The following RBPJ variants were observed in gnomAD, a reference collection of about 807,000 sequenced individuals.
RBPJ encodes recombining binding protein suppressor of hairless.
In RBPJ, 9 loss-of-function variants were observed where a neutral mutation model predicts 67.8. The ratio of observed to expected loss-of-function variants is 0.13; its 90% CI spans 0.08 to 0.23. The LOEUF is 0.23. Ranked by LOEUF, RBPJ falls within the 10% of genes least tolerant of loss-of-function variation. RBPJ has a pLI of 1.00. For missense variants in RBPJ, 305 were observed against 595.6 expected (o/e 0.51, Z 5.08); for synonymous variants, 198 against 203.3 (o/e 0.97, Z 0.22).
At chr4:26,420,372 T>C (rs1735006406) in intron 4 of RBPJ, among the ~76,000 whole-genome samples, 179 bp from the exon 5 acceptor site, 1 of 152,214 alleles carries the variant, frequency 6.6e-6, no homozygotes, top group South Asian at 2.1e-4. Flanking sequence ...AGGAAGACTT[T>C]GTACTTTTCC....
chr4:26,379,528 G>C (rs1422507701), intron 1 of RBPJ, among the ~76,000 whole-genome samples: 1 of 152,124 alleles, frequency 6.6e-6, no homozygotes, highest in African/African-American at 2.4e-5. Context: ...GCAGGAAAAA[G>C]AGCATGTGTG....
intron 2 of RBPJ, among the ~76,000 whole-genome samples, chr4:26,395,718 C>G (rs1175599127): frequency 6.6e-6 from 1 of 152,188 alleles, no homozygotes; most frequent in Non-Finnish European, 1.5e-5. Context: ...GTGTGCAGAA[C>G]TGTGAGCCCA....
At chr4:26,221,455 A>C (rs1718908041) in intron 1 of RBPJ, among the ~76,000 whole-genome samples, 1 of 152,276 alleles carries the variant, frequency 6.6e-6, no homozygotes, top group East Asian at 1.9e-4. Context: ...CTGTTTGTTC[A>C]GGGGAATCCT....
chr4:26,337,118 T>C (rs2109378101), intron 1 of RBPJ, among the ~76,000 whole-genome samples: 1 of 150,956 alleles, frequency 6.6e-6, no homozygotes, highest in East Asian at 1.9e-4. Flanking sequence ...ACAGCCACCA[T>C]GCCCAGCTAA....
chr4:26,297,129 T>C (rs1270829221), intron 1 of RBPJ, among the ~76,000 whole-genome samples: 1 of 152,060 alleles, frequency 6.6e-6, no homozygotes, highest in Non-Finnish European at 1.5e-5. Flanking sequence ...CCCCGGTTTC[T>C]ATGAAAATTT....
chr4:26,145,551 C>T, the RBPJ span, among the ~76,000 whole-genome samples: 4 of 152,282 alleles, frequency 2.6e-5, no homozygotes, highest in East Asian at 1.9e-4. Flanking sequence ...TAATTGCCCA[C>T]GTAAGCTCTT....
At chr4:26,133,811 C>T in the RBPJ span, among the ~76,000 whole-genome samples, 1 of 151,840 alleles carries the variant, frequency 6.6e-6, no homozygotes, top group Non-Finnish European at 1.5e-5. Context: ...GACCGCTGAT[C>T]TAGTAGGTAA....
chr4:26,114,797 G>A, the RBPJ span, among the ~76,000 whole-genome samples: 6 of 152,128 alleles, frequency 3.9e-5, no homozygotes, highest in South Asian at 2.1e-4. Context: ...ATGTGCTAGC[G>A]TCACCTCATA....
rs535534342 is a variant in RBPJ at position 26,430,200 on chromosome 4, A to G, written c.1044+147A>G. On this transcript the variant is annotated intron_variant, in intron 9 of 10. Coordinates refer to ENST00000355476, the MANE Select transcript of RBPJ (RefSeq NM_015874.6). The surrounding 1 kb of genome is among the most constrained non-coding windows in gnomAD (Gnocchi z 4.1). ...ATATACACCATTTGTTGATTTAAAGAAAAAAAAACAAAATTAGGAGGAGCG... is the reference window on the plus strand; with the variant it reads ...ATATACACCATTTGTTGATTTAAAGGAAAAAAAACAAAATTAGGAGGAGCG... 1,062 of 814,904 alleles carry G rather than the reference A, an allele frequency of 1.3e-3. 26 individuals carry two copies. The East Asian group carries it at 0.048, about 37-fold the overall frequency. 50.5% of individuals were successfully genotyped at this position (814,904 alleles called of 1,614,324 possible).
chr4:26,241,957 C>T (rs756268523), intron 1 of RBPJ, among the ~76,000 whole-genome samples: 8 of 152,124 alleles, frequency 5.3e-5, no homozygotes, highest in Non-Finnish European at 8.8e-5. Context: ...TGCTCAATAC[C>T]GCACAGTCTA....
At chr4:26,200,662 A>G (rs1717950831) in intron 1 of RBPJ, among the ~76,000 whole-genome samples, 2 of 136,752 alleles carry the variant, frequency 1.5e-5, no homozygotes, top group African/African-American at 5.3e-5. Flanking sequence ...TTCTATCTGA[A>G]AAAAAAAAGA....
the RBPJ span, among the ~76,000 whole-genome samples, chr4:26,115,035 G>A: frequency 6.6e-6 from 1 of 152,202 alleles, no homozygotes; most frequent in Admixed American, 6.5e-5. Flanking sequence ...CACATCTACT[G>A]CTACTGCACG....
chr4:26,192,808 G>A (rs576067402), intron 1 of RBPJ, among the ~76,000 whole-genome samples: 2 of 152,312 alleles, frequency 1.3e-5, no homozygotes, highest in South Asian at 4.1e-4. Flanking sequence ...ATAATAGGCA[G>A]GATAACAGCC....
At chr4:26,109,458 C>CTATATA in the RBPJ span, among the ~76,000 whole-genome samples, 6 of 14,394 alleles carry the variant, frequency 4.2e-4, no homozygotes, top group Non-Finnish European at 6.5e-4. Flanking sequence ...CTCTCTCTCT[C>CTATATA]TCTATATATA....
intron 3 of RBPJ, among the ~76,000 whole-genome samples, chr4:26,410,516 C>T (rs1216256122): frequency 6.6e-6 from 1 of 152,092 alleles, no homozygotes; most frequent in Non-Finnish European, 1.5e-5. Flanking sequence ...AGTAATTAAG[C>T]AGTAGCAGTA....
the RBPJ span, among the ~76,000 whole-genome samples, chr4:26,109,579 C>CTCTCTCTATATA: frequency 3.4e-5 from 1 of 29,392 alleles, no homozygotes; most frequent in African/African-American, 2.1e-4. Flanking sequence ...CTCTCTCTCT[C>CTCTCTCTATATA]TATATATATA....
intron 7 of RBPJ, chr4:26,428,474 A>ATT (rs950635729): frequency 1.7e-4 from 57 of 333,094 alleles, no homozygotes; most frequent in South Asian, 5.7e-4. Flanking sequence ...TGCCTGCCTG[A>ATT]TTTTTTTTTT....
chr4:26,167,331 A>G (rs1716358714), intron 1 of RBPJ, among the ~76,000 whole-genome samples: 1 of 152,052 alleles, frequency 6.6e-6, no homozygotes, highest in African/African-American at 2.4e-5. Context: ...CATGATATTG[A>G]TTCTTCCTAC....
chr4:26,105,898 G>A, the RBPJ span, among the ~76,000 whole-genome samples: 1 of 152,234 alleles, frequency 6.6e-6, no homozygotes, highest in African/African-American at 2.4e-5. Flanking sequence ...CATCTATGGT[G>A]TGGACTGCAA....
Sources: gnomAD v4.1 joint callset for allele counts (sites outside exome capture counted in the v4.1 genomes callset) on GRCh38, gnomAD v4.1.1 for gene constraint, Gnocchi (gnomAD v3.1) non-coding constraint, MANE v1.5 for transcripts, NCBI Gene and HGNC (gene_info 2026-07-23, HGNC 2026-07-21) for gene names.